The following ARHGAP24 variants were observed in gnomAD, a reference collection of about 807,000 sequenced individuals.
ARHGAP24 encodes the protein rho GTPase-activating protein 24.
In ARHGAP24, 50 loss-of-function variants were observed where a neutral mutation model predicts 76.4. That is an observed-to-expected ratio of 0.65 (90% CI 0.52 to 0.83). The LOEUF (loss-of-function observed/expected upper bound fraction) is 0.83. ARHGAP24 is among the 40% of genes least tolerant of loss of function. ARHGAP24 has a pLI of 0.00. For synonymous variants in ARHGAP24, 345 were observed against 323.3 expected, an observed-to-expected ratio of 1.07 and a Z score of -0.72; for missense variants, 930 against 914.2, an observed-to-expected ratio of 1.02 and a Z score of -0.22.
chr4:85,784,961 C>A (rs201100024), intron 3 of ARHGAP24, among the ~76,000 whole-genome samples: 10 of 132,240 alleles, frequency 7.6e-5, no homozygotes, highest in African/African-American at 2.9e-4. Context: ...CTATCTATCT[C>A]TCTATCTCTC....
At chr4:85,752,948 G>T (rs1726318594) in intron 3 of ARHGAP24, among the ~76,000 whole-genome samples, 1 of 152,140 alleles carries the variant, frequency 6.6e-6, no homozygotes, top group Non-Finnish European at 1.5e-5. Context: ...TATATAGCCA[G>T]GGATAAGGCA....
intron 2 of ARHGAP24, among the ~76,000 whole-genome samples, chr4:85,577,467 T>C (rs1280861589): frequency 1.3e-5 from 2 of 152,132 alleles, no homozygotes; most frequent in Non-Finnish European, 2.9e-5. Context: ...TAGTGGCCCT[T>C]GTCACTTCTG....
chr4:85,641,162 T>A (rs2109970520), intron 2 of ARHGAP24, among the ~76,000 whole-genome samples: 1 of 152,214 alleles, frequency 6.6e-6, no homozygotes, highest in South Asian at 2.1e-4. Context: ...AGTAGAACAA[T>A]TATAGCTCAC....
At chr4:85,966,278 T>C (rs773446512) in intron 5 of ARHGAP24, among the ~76,000 whole-genome samples, 23 of 152,140 alleles carry the variant, frequency 1.5e-4, no homozygotes, top group Admixed American at 3.9e-4. Flanking sequence ...GAGTTAGGGC[T>C]TTGATGTACG....
intron 3 of ARHGAP24, among the ~76,000 whole-genome samples, chr4:85,741,667 C>T (rs1345149387): frequency 6.6e-6 from 1 of 152,114 alleles, no homozygotes; most frequent in Admixed American, 6.5e-5. Context: ...AGTTGGAGGG[C>T]GGGCAACAAT....
intron 1 of ARHGAP24, among the ~76,000 whole-genome samples, chr4:85,486,895 C>T (rs1036522867): frequency 1.3e-5 from 2 of 151,862 alleles, no homozygotes; most frequent in Non-Finnish European, 2.9e-5. Flanking sequence ...GTTCCTATCG[C>T]TCCTCCTGAA....
At chr4:85,782,126 A>G (rs1354119285) in intron 3 of ARHGAP24, among the ~76,000 whole-genome samples, 1 of 151,852 alleles carries the variant, frequency 6.6e-6, no homozygotes, top group African/African-American at 2.4e-5. Context: ...GTTAGGTGGC[A>G]TGACTTATTT....
chr4:86,000,369 A>G (rs775977247), intron 9 of ARHGAP24, 110 bp from the exon 10 acceptor site: 2 of 867,786 alleles, frequency 2.3e-6, no homozygotes, highest in Non-Finnish European at 3.8e-6. Flanking sequence ...CCTAAGCATC[A>G]TAAAGAGTTT....
At chr4:85,939,341 G>T (rs1736824494) in intron 4 of ARHGAP24, among the ~76,000 whole-genome samples, 1 of 152,142 alleles carries the variant, frequency 6.6e-6, no homozygotes, top group Admixed American at 6.6e-5. Flanking sequence ...AAAAGGAAAA[G>T]GACTGATATT....
chr4:85,952,283 T>G (rs1737656986), intron 5 of ARHGAP24, among the ~76,000 whole-genome samples: 1 of 152,232 alleles, frequency 6.6e-6, no homozygotes, highest in South Asian at 2.1e-4. Flanking sequence ...TGTGTGATCT[T>G]CAGGACTATA....
At chr4:85,564,319 C>T (rs1221946385) in intron 1 of ARHGAP24, among the ~76,000 whole-genome samples, 6 of 150,722 alleles carry the variant, frequency 4.0e-5, no homozygotes, top group South Asian at 2.1e-4. Flanking sequence ...TGTATGTTCT[C>T]GCTCATAGGT....
At chr4:85,796,202 CT>C (rs1471568326) in intron 3 of ARHGAP24, among the ~76,000 whole-genome samples, 2 of 97,966 alleles carry the variant, frequency 2.0e-5, no homozygotes, top group Non-Finnish European at 4.5e-5. Context: ...TTTATACCTA[CT>C]ACACACACAC....
chr4:85,827,518 T>TGTGTGTGTGTGTA (rs1368669294), intron 3 of ARHGAP24, among the ~76,000 whole-genome samples: 2 of 57,932 alleles, frequency 3.5e-5, no homozygotes, highest in Admixed American at 1.7e-4. Context: ...GTGTGTGTGT[T>TGTGTGTGTGTGTA]TAGAGAGAGA....
chr4:85,693,856 G>C (rs895089397), intron 2 of ARHGAP24, among the ~76,000 whole-genome samples: 5 of 152,186 alleles, frequency 3.3e-5, no homozygotes, highest in Admixed American at 6.5e-5. Flanking sequence ...ATCAAGGCCC[G>C]TGGCTCCACG....
intron 2 of ARHGAP24, among the ~76,000 whole-genome samples, chr4:85,721,134 G>A (rs979235936): frequency 2.0e-5 from 3 of 152,180 alleles, no homozygotes; most frequent in African/African-American, 7.2e-5. Context: ...GGTGGCTCAT[G>A]CCTGTAATCC....
chr4:85,777,841 C>G (rs1727364923), intron 3 of ARHGAP24, among the ~76,000 whole-genome samples: 1 of 152,122 alleles, frequency 6.6e-6, no homozygotes, highest in South Asian at 2.1e-4. Flanking sequence ...ATAAGCACAT[C>G]ACTCTTTCAG....
intron 1 of ARHGAP24, among the ~76,000 whole-genome samples, chr4:85,551,845 T>C (rs1426361644): frequency 6.6e-6 from 1 of 151,640 alleles, no homozygotes; most frequent in African/African-American, 2.4e-5. Flanking sequence ...AGGGTTTTTT[T>C]GTATTTCTGT....
At chr4:85,839,255 G>A (rs73833889) in intron 3 of ARHGAP24, among the ~76,000 whole-genome samples, 10 of 151,956 alleles carry the variant, frequency 6.6e-5, no homozygotes, top group African/African-American at 1.9e-4. Context: ...TCCAAAGTAC[G>A]TTTCTGAAAG....
chr4:85,828,434 C>T (rs937608175), intron 3 of ARHGAP24, among the ~76,000 whole-genome samples: 3 of 151,604 alleles, frequency 2.0e-5, no homozygotes, highest in Non-Finnish European at 4.4e-5. Flanking sequence ...GATCTGTTGA[C>T]AAAAGCAGTG....
Sources: gnomAD v4.1 joint callset for allele counts (sites outside exome capture counted in the v4.1 genomes callset) on GRCh38, gnomAD v4.1.1 for gene constraint, MANE v1.5 for transcripts, NCBI Gene and HGNC (gene_info 2026-07-23, HGNC 2026-07-21) for gene names.